Variants in KCNG2 observed in about 807,000 individuals in gnomAD.
The protein encoded by KCNG2 is voltage-gated potassium channel regulatory subunit KCNG2.
Under a neutral mutation model 12.3 loss-of-function variants are expected in KCNG2, and 7 were observed. The ratio of observed to expected loss-of-function variants is 0.57; its 90% CI spans 0.32 to 1.07. KCNG2 has a LOEUF of 1.07. Among genes scored for constraint, KCNG2 ranks in the 50% least tolerant of loss-of-function variants. The probability of loss-of-function intolerance (pLI) is 0.04; values close to 1 mark genes in which losing one functional copy is unlikely to be tolerated. For missense variants in KCNG2, 703 were observed against 726.0 expected (o/e 0.97, Z 0.36); for synonymous variants, 414 against 351.4 (o/e 1.18, Z -1.99).
At chr18:79,878,950 T>G (rs894999377) in intron 3 of KCNG2, among the ~76,000 whole-genome samples, 1 of 152,228 alleles carries the variant, frequency 6.6e-6, no homozygotes, top group Non-Finnish European at 1.5e-5. Context: ...TGGGAGAAAC[T>G]GGGGCTGGAA....
Position 79,899,768 on chromosome 18 carries a change from C to A in KCNG2, c.1353C>A (p.Gly451=), listed in dbSNP as rs759321246. 2.0e-6 allele frequency: 3 copies of A among 1,515,314 alleles called. No individual in the cohort carries two copies. The highest frequency in any genetic ancestry group is 1.3e-5 in the South Asian group (1 of 78,552). The allele number at this position is 1,515,314 out of a possible 1,614,324, so 93.9% of individuals were successfully genotyped here. Residue 451 remains glycine (G), a synonymous_variant, in exon 4 of 4, where the codon GGC becomes GGA. Coordinates refer to ENST00000316249, the MANE Select transcript of KCNG2 (RefSeq NM_012283.2). ...GCTCGCAGGGCCCCGACAGCGCGGG[C>A]CTGGCCGACGACTCCGCGGATGCGC... ...EDSSQGPDSA[G]LADDSADALW...
chr18:79,834,935 C>T (rs1268949522), intron 1 of KCNG2, among the ~76,000 whole-genome samples: 1 of 152,218 alleles, frequency 6.6e-6, no homozygotes, highest in Non-Finnish European at 1.5e-5. Context: ...GAGTATTTCC[C>T]TCTTGTTTAT....
At chr18:79,799,901 C>A (rs868478166) in intron 1 of KCNG2, among the ~76,000 whole-genome samples, 4 of 152,154 alleles carry the variant, frequency 2.6e-5, no homozygotes, top group African/African-American at 9.7e-5. Context: ...TGCCTCCACT[C>A]ATGGGTCATG....
chr18:79,835,421 G>A (rs1040705146), intron 1 of KCNG2, among the ~76,000 whole-genome samples: 5 of 152,204 alleles, frequency 3.3e-5, no homozygotes, highest in African/African-American at 1.2e-4. Flanking sequence ...AAATACTTCA[G>A]TGGACAATTA....
chr18:79,838,012 G>A (rs1267810287), intron 1 of KCNG2, among the ~76,000 whole-genome samples: 1 of 152,220 alleles, frequency 6.6e-6, no homozygotes, highest in Non-Finnish European at 1.5e-5. Flanking sequence ...GGCAGAAGGT[G>A]AAGGAGAAGC....
intron 3 of KCNG2, among the ~76,000 whole-genome samples, chr18:79,872,279 A>ATTTTTTTTT (rs1568265416): frequency 2.1e-5 from 1 of 48,124 alleles, no homozygotes; most frequent in Admixed American, 2.9e-4. Context: ...TCAAAGCTTC[A>ATTTTTTTTT]GTTTTTTTTT....
At position 79,899,644 on chromosome 18, in the gene KCNG2, G is replaced by A. The variant is rs139869249; in HGVS notation, c.1229G>A (p.Arg410His). 81 of 1,604,634 alleles carry A rather than the reference G, an allele frequency of 5.0e-5. No individual in the cohort carries two copies. In the Middle Eastern group the frequency reaches 6.6e-4, roughly 13 times the overall value. Residue 410 changes from arginine (R) to histidine (H), a missense_variant, in exon 4 of 4, where the codon CGC (arginine) becomes CAC (histidine). Physicochemically the swap from Arg to His is conservative, Grantham distance 29 (BLOSUM62 0). Transcript: ENST00000316249. ...ACCTCCATCTTCCACACCTTTTCGC[G>A]CTCCTACTCCGAGCTCAAGGAGCAG... ...PVTSIFHTFS[R>H]SYSELKEQQQ...
chr18:79,863,769 G>A lies in KCNG2; in HGVS notation c.102G>A (p.Ala34=), dbSNP rs1013178045. ...GGCRVRLAWA[A]LARCPLARLE... is the part of the protein sequence containing the mutation. The stretch of plus-strand genomic sequence containing the variant: ...GCCGCGTGCGCCTGGCATGGGCCGC[G>A]CTGGCGCGATGCCCCCTCGCGCGCC... Residue 34 remains alanine (A), a synonymous_variant, in exon 3 of 4, where the codon GCG becomes GCA. Coordinates refer to ENST00000316249, the MANE Select transcript of KCNG2 (RefSeq NM_012283.2). 7.9e-7 allele frequency: 1 copy of A among 1,263,132 alleles called. No individual in the cohort carries two copies. Among genetic ancestry groups the A allele is most frequent in the East Asian group, 3.6e-5 (1 of 27,706 alleles). The allele number at this position is 1,263,132 out of a possible 1,614,324, so 78.2% of individuals were successfully genotyped here.
intron 3 of KCNG2, among the ~76,000 whole-genome samples, chr18:79,892,384 A>AT (rs1231108175): frequency 6.6e-6 from 1 of 152,182 alleles, no homozygotes; most frequent in African/African-American, 2.4e-5. Context: ...TTTGGATGAT[A>AT]TATCTTTTCC....
chr18:79,807,722 CGCCACTGACGG>C (rs973799994), intron 1 of KCNG2, among the ~76,000 whole-genome samples: 8 of 152,190 alleles, frequency 5.3e-5, no homozygotes, highest in Non-Finnish European at 1.2e-4. Context: ...GTTGCTCCGG[CGCCACTGACGG>C]GCACTCCATG....
intron 3 of KCNG2, among the ~76,000 whole-genome samples, chr18:79,866,704 G>A (rs62103184): frequency 0.033 from 3,875 of 116,162 alleles, 60 homozygotes; most frequent in Non-Finnish European, 0.052. Flanking sequence ...AGGTCTGGGT[G>A]CTGAGAAGTC....
chr18:79,868,499 G>A (rs756488781), intron 3 of KCNG2, among the ~76,000 whole-genome samples: 1 of 152,208 alleles, frequency 6.6e-6, no homozygotes, highest in Admixed American at 6.5e-5. Flanking sequence ...TTTCGGAAGC[G>A]ATTCAGTTGT....
intron 2 of KCNG2, among the ~76,000 whole-genome samples, chr18:79,858,480 T>A (rs1178075684): frequency 2.0e-5 from 3 of 152,242 alleles, no homozygotes; most frequent in African/African-American, 7.2e-5. Flanking sequence ...TTGATGGAAT[T>A]TGGGTTGTTT....
In KCNG2 at chr18:79,800,492, C is replaced by A. The variant is rs1473996923; in HGVS notation, c.-115+2478C>A. Among the ~76,000 whole-genome samples, 2 of 152,152 alleles carry A rather than the reference C, an allele frequency of 1.3e-5. No homozygotes were observed. The highest frequency in any genetic ancestry group is 4.8e-5 in the African/African-American group (2 of 41,440). On this transcript the variant is annotated intron_variant, in intron 1 of 3. Coordinates refer to ENST00000316249, the MANE Select transcript of KCNG2 (RefSeq NM_012283.2). The surrounding 1 kb of genome is among the most constrained non-coding windows in gnomAD (Gnocchi z 4.0). ...CATTGACCGAGGTAGTTTAAGACCC[C>A]CTTCCTCAGATGAGGCTTGGGAGGC...
intron 1 of KCNG2, among the ~76,000 whole-genome samples, chr18:79,804,567 C>T (rs1000404586): frequency 2.0e-5 from 3 of 152,230 alleles, no homozygotes; most frequent in Non-Finnish European, 4.4e-5. Context: ...GAGCTGCTGA[C>T]GCACCGCTGC....
At position 79,900,095 on chromosome 18, in the gene KCNG2, G is replaced by C. The variant is rs935644563; in HGVS notation, c.*279G>C. ...AGCTAAAAATAAATTTAGTAAGTCC[G>C]AGAGATTCCACGCCTGCTGTGGATG... is the stretch of plus-strand genomic sequence containing the variant. On this transcript the variant is annotated 3_prime_UTR_variant, in exon 4 of 4. Coordinates refer to ENST00000316249, the MANE Select transcript of KCNG2 (RefSeq NM_012283.2). 11 of 324,044 alleles carry C rather than the reference G, an allele frequency of 3.4e-5. No homozygotes were observed. The highest frequency in any genetic ancestry group is 6.2e-5 in the Non-Finnish European group (11 of 178,792). 20.1% of individuals were successfully genotyped at this position (324,044 alleles called of 1,614,324 possible).
intron 1 of KCNG2, among the ~76,000 whole-genome samples, chr18:79,826,890 C>G (rs930031448): frequency 1.3e-5 from 2 of 152,246 alleles, no homozygotes; most frequent in African/African-American, 4.8e-5. Context: ...TGACTAATCA[C>G]TTGTTTGATA....
chr18:79,879,550 A>G (rs1383135897), intron 3 of KCNG2, among the ~76,000 whole-genome samples: 1 of 152,204 alleles, frequency 6.6e-6, no homozygotes, highest in East Asian at 1.9e-4. Flanking sequence ...GGATTACCCT[A>G]CTCAAAAAAG....
intron 1 of KCNG2, among the ~76,000 whole-genome samples, chr18:79,805,545 T>G (rs761486711): frequency 1.3e-5 from 2 of 152,184 alleles, no homozygotes; most frequent in Non-Finnish European, 1.5e-5. Context: ...TTGCCTTTTT[T>G]TTTTCTTCTA....
Sources: allele counts gnomAD v4.1 joint callset (sites outside exome capture counted in the v4.1 genomes callset), GRCh38; gene constraint gnomAD v4.1.1; non-coding constraint Gnocchi (gnomAD v3.1); transcripts MANE v1.5; gene names NCBI Gene and HGNC (gene_info 2026-07-23, HGNC 2026-07-21).